CLEC17A: variants seen among roughly 807,000 people sequenced by gnomAD.
CLEC17A encodes the protein C-type lectin domain family 17, member A.
A neutral mutation model predicts 61.3 loss-of-function variants in CLEC17A; 37 were observed. The ratio of observed to expected loss-of-function variants is 0.60; its 90% CI spans 0.46 to 0.79. The LOEUF (loss-of-function observed/expected upper bound fraction) is 0.79, where lower values mean the gene tolerates loss of function less well. Ranked by LOEUF, CLEC17A falls within the 30% of genes least tolerant of loss-of-function variation. CLEC17A has a pLI of 0.00. For synonymous variants in CLEC17A, 168 were observed against 164.9 expected (o/e 1.02, Z -0.14); for missense variants, 418 against 464.7 (o/e 0.90, Z 0.92).
At chr19:14,591,376 G>T (rs1199443166) in intron 3 of CLEC17A, among the ~76,000 whole-genome samples, 2 of 151,230 alleles carry the variant, frequency 1.3e-5, no homozygotes. Flanking sequence ...GGATAGTCTC[G>T]ATCTCCTGAC....
At chr19:14,595,441 C>A in intron 8 of CLEC17A, 126 bp downstream of exon 8, 3 of 1,033,050 alleles carry the variant, frequency 2.9e-6, no homozygotes, top group Non-Finnish European at 4.4e-6. Context: ...GGACCTGCTG[C>A]ACTGTTCTGA....
In CLEC17A at chr19:14,611,089, A is replaced by T. The variant is rs1297149800; in HGVS notation, c.*893A>T. Reference sequence around the variant, plus strand: ...GACCTCTAGATCTGCCTCGCACAGAAATACATTAAGTGGGCTGGTCTCATG... The same window carrying T: ...GACCTCTAGATCTGCCTCGCACAGATATACATTAAGTGGGCTGGTCTCATG... On this transcript the variant is annotated 3_prime_UTR_variant, in exon 14 of 14. Transcript: ENST00000417570. The T allele has an allele frequency of 6.6e-6, 1 of 151,950 alleles. No homozygotes were observed. Among genetic ancestry groups the T allele is most frequent in the Admixed American group, 6.6e-5 (1 of 15,220 alleles). 9.4% of individuals were successfully genotyped at this position (151,950 alleles called of 1,614,324 possible).
chr19:14,590,530 G>A (rs553899215), intron 3 of CLEC17A, among the ~76,000 whole-genome samples: 99 of 152,104 alleles, frequency 6.5e-4, no homozygotes, highest in Non-Finnish European at 1.2e-3. Context: ...CGGGATTACA[G>A]GCATGTGCCA....
intron 4 of CLEC17A, among the ~76,000 whole-genome samples, chr19:14,592,784 C>T (rs1415955921): frequency 6.6e-6 from 1 of 152,120 alleles, no homozygotes; most frequent in East Asian, 1.9e-4. Context: ...TTTGCCTCAG[C>T]CTCCCGATTA....
In CLEC17A at chr19:14,610,123, A is replaced by G. The variant is rs1398550789; in HGVS notation, c.1064A>G (p.Lys355Arg). 3.1e-6 allele frequency: 5 copies of G among 1,611,252 alleles called. No individual in the cohort carries two copies. The highest frequency in any genetic ancestry group is 4.2e-6 in the Non-Finnish European group (5 of 1,178,720). Residue 355 changes from lysine to arginine, a missense_variant, in exon 14 of 14, where the codon AAA becomes AGA. Physicochemically the swap from Lys to Arg is conservative, Grantham distance 26. Coordinates refer to ENST00000417570, the MANE Select transcript of CLEC17A (RefSeq NM_001204118.2). ...GATGAGGACTGTGCTACCATGAACAAAGGTGGCACCTGGAATGATCTCTCT... is the reference window on the plus strand; with the variant it reads ...GATGAGGACTGTGCTACCATGAACAGAGGTGGCACCTGGAATGATCTCTCT... ...IHDEDCATMNKGGTWNDLSCY... is the reference protein window; with the variant it reads ...IHDEDCATMNRGGTWNDLSCY...
Position 14,611,975 on chromosome 19 carries a change from G to A in CLEC17A, c.*1779G>A, listed in dbSNP as rs1016244137. The stretch of plus-strand genomic sequence containing the variant: ...GCCGAGATTGTGCCACTGCACTCCA[G>A]CCTGGGTGACAGAGCAAGACTCCAT... On this transcript the variant is annotated 3_prime_UTR_variant, in exon 14 of 14. Coordinates refer to ENST00000417570, the MANE Select transcript of CLEC17A (RefSeq NM_001204118.2). 6.6e-6 allele frequency among the ~76,000 whole-genome samples: 1 copy of A among 152,172 alleles called. No individual in the cohort carries two copies. The highest frequency in any genetic ancestry group is 1.5e-5 in the Non-Finnish European group (1 of 68,022).
intron 3 of CLEC17A, among the ~76,000 whole-genome samples, chr19:14,589,371 A>T (rs1393626780): frequency 7.6e-6 from 1 of 131,512 alleles, no homozygotes; most frequent in Non-Finnish European, 1.5e-5. Flanking sequence ...TCAAAGAGAC[A>T]CACAGAGAAG....
At chr19:14,592,702 G>T (rs1240269531) in intron 4 of CLEC17A, among the ~76,000 whole-genome samples, 1 of 152,016 alleles carries the variant, frequency 6.6e-6, no homozygotes, top group African/African-American at 2.4e-5. Flanking sequence ...ATTTCACTCT[G>T]TCACCCAGGC....
intron 3 of CLEC17A, among the ~76,000 whole-genome samples, chr19:14,591,348 G>T: frequency 6.6e-6 from 1 of 151,534 alleles, no homozygotes; most frequent in Non-Finnish European, 1.5e-5. Flanking sequence ...TAGAGACAGG[G>T]TTTCACCATG....
chr19:14,590,386 CT>C (rs562645944), intron 3 of CLEC17A, among the ~76,000 whole-genome samples: 3,998 of 142,886 alleles, frequency 0.028, 24 homozygotes, highest in South Asian at 0.061. Flanking sequence ...AATTTCTTTA[CT>C]TTTTTTTTTT....
chr19:14,589,354 CA>C (rs1397779981), intron 3 of CLEC17A, among the ~76,000 whole-genome samples: 3 of 130,612 alleles, frequency 2.3e-5, no homozygotes, highest in Non-Finnish European at 4.5e-5. Context: ...CCCTTTCAAT[CA>C]AACCCTCAAA....
At chr19:14,591,417 G>C (rs984484818) in intron 3 of CLEC17A, among the ~76,000 whole-genome samples, 1 of 150,458 alleles carries the variant, frequency 6.6e-6, no homozygotes, top group African/African-American at 2.5e-5. Context: ...GTCTCCCAAA[G>C]TGCTGGGATT....
chr19:14,583,446 T>A lies in CLEC17A; in HGVS notation c.121+12T>A, dbSNP rs370688332. 201 of 1,612,020 alleles carry A rather than the reference T, an allele frequency of 1.2e-4. No homozygotes were observed. The highest frequency in any genetic ancestry group is 1.7e-4 in the Non-Finnish European group (200 of 1,179,112). ...TCCTCCCAAGCCAGGTAAGAGGACT[T>A]TTTGGAGTGTGACCTGGGGGAATAC... On this transcript the variant is annotated intron_variant, in intron 2 of 13. Transcript: ENST00000417570.
chr19:14,611,795 A>T lies in CLEC17A; in HGVS notation c.*1599A>T, dbSNP rs2075042777. On this transcript the variant is annotated 3_prime_UTR_variant, in exon 14 of 14. Coordinates refer to ENST00000417570, the MANE Select transcript of CLEC17A (RefSeq NM_001204118.2). ...GGTGGGCTGATCACCTGGGGTCAGG[A>T]TTTCGAGACCAGCCTGGCCAACATG... Among the ~76,000 whole-genome samples the T allele has an allele frequency of 6.6e-6, 1 of 152,090 alleles. No individual in the cohort carries two copies. The highest frequency in any genetic ancestry group is 2.4e-5 in the African/African-American group (1 of 41,432).
rs535010180 is a variant in CLEC17A at position 14,599,586 on chromosome 19, C to T, written c.647-131C>T. On this transcript the variant is annotated intron_variant, in intron 10 of 13. Coordinates refer to ENST00000417570, the MANE Select transcript of CLEC17A (RefSeq NM_001204118.2). ...TGTACATGTGGTTTTTGAGCGCAAG[C>T]GTGACCCACTGGAATGTGGACACAG... 1.5e-4 allele frequency: 112 copies of T among 733,514 alleles called. 1 individual carries two copies. Among genetic ancestry groups the T allele is most frequent in the African/African-American group, 1.5e-3 (85 of 57,754 alleles). The allele number at this position is 733,514 out of a possible 1,614,324, so 45.4% of individuals were successfully genotyped here. A position where few individuals can be genotyped will look rare whatever the true frequency, so the allele number is the denominator to read the frequency against.
rs961503069 is a variant in CLEC17A, at chr19:14,611,518, C to T, written c.*1322C>T. ...TCAGCCTCCCAAGTAGCTGGGACTA[C>T]AGGCGTTCACCCTCACACCTGGCTG... is the stretch of plus-strand genomic sequence containing the variant. On this transcript the variant is annotated 3_prime_UTR_variant, in exon 14 of 14. Coordinates refer to ENST00000417570, the MANE Select transcript of CLEC17A (RefSeq NM_001204118.2). Among the ~76,000 whole-genome samples, 3 of 151,656 alleles carry T rather than the reference C, an allele frequency of 2.0e-5. No individual in the cohort carries two copies. The highest frequency in any genetic ancestry group is 4.4e-5 in the Non-Finnish European group (3 of 67,958).
intron 12 of CLEC17A, among the ~76,000 whole-genome samples, chr19:14,600,689 C>T (rs1273637623): frequency 6.6e-6 from 1 of 150,952 alleles, no homozygotes; most frequent in Non-Finnish European, 1.5e-5. Context: ...TCACGCCATT[C>T]TCCTGCCTCA....
At position 14,583,116 on chromosome 19, in the gene CLEC17A, G is replaced by A. The variant is rs773524720; in HGVS notation, c.-45G>A. The A allele has an allele frequency of 7.4e-6, 12 of 1,611,972 alleles. No individual in the cohort carries two copies. Among genetic ancestry groups the A allele is most frequent in the Non-Finnish European group, 1.0e-5 (12 of 1,178,206 alleles). ...TGAGTCGGAGAGACAGGGGGCAGAG[G>A]TTGCCAAGCCCTGGCTGCCACTTGT... On this transcript the variant is annotated 5_prime_UTR_variant, in exon 1 of 14. Coordinates refer to ENST00000417570, the MANE Select transcript of CLEC17A (RefSeq NM_001204118.2).
At chr19:14,585,223 G>A (rs1229846703) in intron 2 of CLEC17A, among the ~76,000 whole-genome samples, 1 of 152,232 alleles carries the variant, frequency 6.6e-6, no homozygotes, top group Non-Finnish European at 1.5e-5. Context: ...AGGCTGCCCT[G>A]AAGTGGTGCA....
Sources: gnomAD v4.1 joint callset for allele counts (sites outside exome capture counted in the v4.1 genomes callset) on GRCh38, gnomAD v4.1.1 for gene constraint, MANE v1.5 for transcripts, NCBI Gene and HGNC (gene_info 2026-07-23, HGNC 2026-07-21) for gene names.